The following MYPN variants were observed in gnomAD, a reference collection of about 807,000 sequenced individuals.
The protein encoded by MYPN is myopalladin, also known as sarcomeric protein myopalladin, 145 kDa (MYOP).
MYPN carries 63 observed loss-of-function variants against 129.4 expected under a neutral mutation model. The ratio of observed to expected loss-of-function variants is 0.49; its 90% confidence interval spans 0.40 to 0.60. The LOEUF (loss-of-function observed/expected upper bound fraction) is 0.60. Among genes scored for constraint, MYPN ranks in the 20% least tolerant of loss-of-function variants. The probability of loss-of-function intolerance (pLI) is 0.00; values close to 1 mark genes in which losing one functional copy is unlikely to be tolerated. For missense variants in MYPN, 1,596 were observed against 1,635.4 expected, an observed-to-expected ratio of 0.98 and a Z score of 0.42; for synonymous variants, 629 against 600.9, an observed-to-expected ratio of 1.05 and a Z score of -0.68.
intron 10 of MYPN, among the ~76,000 whole-genome samples, chr10:68,168,991 TAAAAAAAAAA>T (rs71009012): frequency 5.0e-5 from 4 of 80,302 alleles, no homozygotes; most frequent in African/African-American, 1.2e-4. Flanking sequence ...GATTATTTCT[TAAAAAAAAAA>T]AAAAAAAAAA....
rs200760918 is a variant in MYPN at position 68,166,442 on chromosome 10, G to A, written c.1749G>A (p.Val583=). The change falls in exon 10 of 20, where the codon GTG becomes GTA. Residue 583 remains valine, a synonymous_variant. Transcript: ENST00000358913. The part of the protein sequence containing the change: ...PPKPKLEGVL[V]NHNEPRSSSR... Reference sequence around the variant, plus strand: ...AACCCAAACTCGAGGGGGTTCTGGTGAACCACAATGAGCCCCGGTCCAGCT... The same window carrying A: ...AACCCAAACTCGAGGGGGTTCTGGTAAACCACAATGAGCCCCGGTCCAGCT... 4 of 1,614,096 alleles carry A rather than the reference G, an allele frequency of 2.5e-6. No individual in the cohort carries two copies. In the African/African-American group the frequency reaches 4.0e-5, roughly 16 times the overall value.
chr10:68,209,666 C>A (rs1328910637), intron 19 of MYPN, among the ~76,000 whole-genome samples: 1 of 50,266 alleles, frequency 2.0e-5, no homozygotes, highest in Non-Finnish European at 3.6e-5. Context: ...TTATAGAATT[C>A]TTTTCTTTTT....
chr10:68,145,549 T>C (rs760381367), intron 4 of MYPN, 23 bp downstream of exon 4: 29 of 1,599,408 alleles, frequency 1.8e-5, no homozygotes, highest in Admixed American at 6.7e-5. Context: ...TTCTGTCTTA[T>C]AGCTTTAGCA....
chr10:68,187,380 AT>A (rs2043439470), intron 12 of MYPN, among the ~76,000 whole-genome samples: 2 of 152,132 alleles, frequency 1.3e-5, no homozygotes, highest in South Asian at 4.1e-4. Context: ...ATAGTATACA[AT>A]AATTTTGCAT....
intron 4 of MYPN, among the ~76,000 whole-genome samples, chr10:68,147,912 G>A (rs1254110035): frequency 6.6e-6 from 1 of 152,176 alleles, no homozygotes; most frequent in East Asian, 1.9e-4. Flanking sequence ...CAAATTCTCA[G>A]AGGTTAAGTT....
chr10:68,120,054 T>G (rs1166398503), intron 1 of MYPN, among the ~76,000 whole-genome samples: 1 of 152,204 alleles, frequency 6.6e-6, no homozygotes, highest in Admixed American at 6.5e-5. Flanking sequence ...AGAAGATTAC[T>G]TTTTTCTCCA....
At chr10:68,202,755 T>C (rs2134315780) in intron 18 of MYPN, among the ~76,000 whole-genome samples, 1 of 151,408 alleles carries the variant, frequency 6.6e-6, no homozygotes, top group Non-Finnish European at 1.5e-5. Flanking sequence ...CAAAACTTTC[T>C]ACTGAGAATT....
At chr10:68,158,776 T>G (rs1168299727) in intron 7 of MYPN, 149 bp downstream of exon 7, 1 of 612,144 alleles carries the variant, frequency 1.6e-6, no homozygotes, top group Non-Finnish European at 2.7e-6. Context: ...AATATTTCAG[T>G]ATATGTTCTC....
At position 68,166,401 on chromosome 10, in the gene MYPN, G is replaced by A. The variant is rs1387262131; in HGVS notation, c.1708G>A (p.Val570Met). 1 of 1,613,968 alleles carries A rather than the reference G, an allele frequency of 6.2e-7. No individual in the cohort carries two copies. The highest frequency in any genetic ancestry group is 8.5e-7 in the Non-Finnish European group (1 of 1,180,030). ...PSPPHSEPPS[V>M]EQPPKPKLEG... The stretch of plus-strand genomic sequence containing the variant: ...CCCACCCCACTCAGAGCCTCCATCT[G>A]TGGAACAACCCCCCAAACCCAAACT... Residue 570 changes from valine (V) to methionine (M), a missense_variant, in exon 10 of 20, where the codon GTG (valine) becomes ATG (methionine). Val to Met is a conservative substitution (Grantham distance 21). Coordinates refer to ENST00000358913, the MANE Select transcript of MYPN (RefSeq NM_032578.4).
At chr10:68,099,075 C>T (rs1291330931) in intron 1 of MYPN, among the ~76,000 whole-genome samples, 26 of 152,058 alleles carry the variant, frequency 1.7e-4, no homozygotes, top group Non-Finnish European at 8.8e-5. Context: ...CTATAACCAC[C>T]TTTTAATGTT....
intron 6 of MYPN, among the ~76,000 whole-genome samples, chr10:68,156,861 G>A (rs1452626680): frequency 6.6e-6 from 1 of 152,228 alleles, no homozygotes; most frequent in African/African-American, 2.4e-5. Flanking sequence ...AATCCATGCA[G>A]CATTTGTTGC....
chr10:68,209,139 AG>A (rs916567102), intron 19 of MYPN, among the ~76,000 whole-genome samples: 1 of 152,218 alleles, frequency 6.6e-6, no homozygotes, highest in African/African-American at 2.4e-5. Context: ...AGAGCACGAG[AG>A]TTCCCCACCT....
At chr10:68,152,973 TTTTA>T (rs1361340082) in intron 6 of MYPN, among the ~76,000 whole-genome samples, 22 of 139,492 alleles carry the variant, frequency 1.6e-4, no homozygotes, top group East Asian at 5.9e-4. Flanking sequence ...TTTTATTTTA[TTTTA>T]TTTATTTTAT....
chr10:68,202,869 TTGTGGGGG>T (rs1025033786), intron 18 of MYPN, among the ~76,000 whole-genome samples: 15 of 152,030 alleles, frequency 9.9e-5, no homozygotes, highest in Admixed American at 4.6e-4. Flanking sequence ...TGTGTTGGGA[TTGTGGGGG>T]TGTGGGGGTG....
intron 1 of MYPN, among the ~76,000 whole-genome samples, chr10:68,088,373 G>A (rs1442282014): frequency 1.3e-5 from 2 of 152,208 alleles, no homozygotes; most frequent in African/African-American, 4.8e-5. Context: ...ATAGGACTCA[G>A]TGGGCAACAG....
intron 1 of MYPN, among the ~76,000 whole-genome samples, chr10:68,098,123 G>A (rs1232470987): frequency 6.6e-6 from 1 of 152,148 alleles, no homozygotes; most frequent in Non-Finnish European, 1.5e-5. Context: ...GCAGGCACCT[G>A]TAATCCCAGC....
chr10:68,197,401 T>A lies in MYPN; in HGVS notation c.3208T>A (p.Phe1070Ile), dbSNP rs1589609937. 3 of 1,613,566 alleles carry A rather than the reference T, an allele frequency of 1.9e-6. No homozygotes were observed. In the East Asian group the frequency reaches 6.7e-5, roughly 36 times the overall value. ...ERDKEPLQER[F>I]FRPHFLQAPG... Reference sequence around the variant, plus strand: ...AGACAAAGAGCCCCTACAGGAACGCTTTTTCCGACCACATTTCCTGCAGGC... The same window carrying A: ...AGACAAAGAGCCCCTACAGGAACGCATTTTCCGACCACATTTCCTGCAGGC... The change falls in exon 16 of 20, where the codon TTT becomes ATT. Residue 1070 changes from phenylalanine to isoleucine, a missense_variant. Coordinates refer to ENST00000358913, the MANE Select transcript of MYPN (RefSeq NM_032578.4).
Position 68,188,895 on chromosome 10 carries a change from AT to A in MYPN, c.2704-6del. The A allele has an allele frequency of 2.5e-6, 4 of 1,612,366 alleles. No individual in the cohort carries two copies. The East Asian group carries it at 8.9e-5, about 36-fold the overall frequency. On this transcript the variant is annotated splice_polypyrimidine_tract_variant and intron_variant, in intron 12 of 19. Coordinates refer to ENST00000358913, the MANE Select transcript of MYPN (RefSeq NM_032578.4). Reference sequence around the variant, plus strand: ...ATATGGAAATTGAAACACGTTTGTCATTTTGACAGGAGTACAAAATTTCAAG... The same window carrying A: ...ATATGGAAATTGAAACACGTTTGTCATTTGACAGGAGTACAAAATTTCAAG...
chr10:68,146,829 C>T (rs1293357295), intron 4 of MYPN, among the ~76,000 whole-genome samples: 1 of 152,164 alleles, frequency 6.6e-6, no homozygotes, highest in East Asian at 1.9e-4. Flanking sequence ...TGTGGCCACA[C>T]CTAGCTGCAG....
Sources: allele counts gnomAD v4.1 joint callset (sites outside exome capture counted in the v4.1 genomes callset), GRCh38; gene constraint gnomAD v4.1.1; transcripts MANE v1.5; gene names NCBI Gene and HGNC (gene_info 2026-07-23, HGNC 2026-07-21).